AKAP6: variants seen among roughly 807,000 people sequenced by gnomAD.
AKAP6 encodes the protein A-kinase anchoring protein 6.
A neutral mutation model predicts 188.5 loss-of-function variants in AKAP6; 58 were observed. That is an observed-to-expected ratio of 0.31 (90% CI 0.25 to 0.38). The LOEUF (loss-of-function observed/expected upper bound fraction) is 0.38, where lower values mean the gene tolerates loss of function less well. AKAP6 is among the 10% of genes least tolerant of loss of function. The probability of loss-of-function intolerance (pLI) is 1.00; values close to 1 mark genes in which losing one functional copy is unlikely to be tolerated. For synonymous variants in AKAP6, 989 were observed against 998.6 expected, an observed-to-expected ratio of 0.99 and a Z score of 0.18; for missense variants, 2,710 against 2,740.0, an observed-to-expected ratio of 0.99 and a Z score of 0.24.
chr14:32,618,731 C>T (rs1401652418), intron 7 of AKAP6, among the ~76,000 whole-genome samples: 1 of 152,138 alleles, frequency 6.6e-6, no homozygotes, highest in Non-Finnish European at 1.5e-5. Flanking sequence ...ATTGCTGGAT[C>T]GAATGATAGA....
chr14:32,488,443 C>T (rs1416853676), intron 2 of AKAP6, among the ~76,000 whole-genome samples: 1 of 152,176 alleles, frequency 6.6e-6, no homozygotes, highest in East Asian at 1.9e-4. Flanking sequence ...GAATTTCAAG[C>T]CAGTGGATCT....
At chr14:32,370,495 T>A (rs1430103497) in intron 1 of AKAP6, among the ~76,000 whole-genome samples, 2 of 152,244 alleles carry the variant, frequency 1.3e-5, no homozygotes, top group Non-Finnish European at 2.9e-5. Flanking sequence ...AAACCAGAAC[T>A]GTTGTTCCTG....
At chr14:32,696,858 G>A (rs1890424946) in intron 9 of AKAP6, among the ~76,000 whole-genome samples, 1 of 151,100 alleles carries the variant, frequency 6.6e-6, no homozygotes, top group Admixed American at 6.6e-5. Flanking sequence ...GGAGGGAAGA[G>A]GGACTTTCCA....
intron 1 of AKAP6, among the ~76,000 whole-genome samples, chr14:32,338,086 TAGAG>T (rs1465105501): frequency 2.0e-5 from 3 of 152,194 alleles, no homozygotes; most frequent in Non-Finnish European, 4.4e-5. Flanking sequence ...GTTGTTTACT[TAGAG>T]AGTTTTTCCT....
intron 9 of AKAP6, among the ~76,000 whole-genome samples, chr14:32,708,114 T>G (rs1191308199): frequency 6.6e-6 from 1 of 152,074 alleles, no homozygotes; most frequent in African/African-American, 2.4e-5. Context: ...GAAGGTAACA[T>G]GTGCTGTGCA....
intron 4 of AKAP6, among the ~76,000 whole-genome samples, chr14:32,575,903 TC>T (rs1324424029): frequency 3.3e-5 from 5 of 152,266 alleles, no homozygotes; most frequent in African/African-American, 1.2e-4. Context: ...CTCTGCTTTG[TC>T]CCCCTCTAAT....
chr14:32,440,875 G>T (rs2138734771), intron 2 of AKAP6, among the ~76,000 whole-genome samples: 2 of 152,246 alleles, frequency 1.3e-5, no homozygotes, highest in Non-Finnish European at 2.9e-5. Flanking sequence ...TGGGTGCTAT[G>T]ATCTCAAAAT....
chr14:32,510,464 A>ATATATATG (rs1566546945), intron 2 of AKAP6, among the ~76,000 whole-genome samples: 25 of 70,030 alleles, frequency 3.6e-4, no homozygotes, highest in African/African-American at 1.1e-3. Flanking sequence ...ATATATGTGT[A>ATATATATG]TATATATATA....
At chr14:32,510,855 G>A (rs1167419349) in intron 2 of AKAP6, among the ~76,000 whole-genome samples, 2 of 152,088 alleles carry the variant, frequency 1.3e-5, no homozygotes, top group Non-Finnish European at 2.9e-5. Flanking sequence ...AGTCATGCTG[G>A]CCAATCTAAT....
intron 4 of AKAP6, among the ~76,000 whole-genome samples, chr14:32,553,913 G>A (rs1883587885): frequency 6.6e-6 from 1 of 152,112 alleles, no homozygotes; most frequent in South Asian, 2.1e-4. Context: ...AACTTCTCAA[G>A]GCCTAAAATT....
chr14:32,454,691 C>G (rs1566512127), intron 2 of AKAP6, among the ~76,000 whole-genome samples: 14 of 55,252 alleles, frequency 2.5e-4, no homozygotes, highest in Non-Finnish European at 3.6e-4. Flanking sequence ...CTCCTTCCCT[C>G]CCTCCCTCCC....
At position 32,611,716 on chromosome 14, in the gene AKAP6, G is replaced by A. The variant is rs115516666; in HGVS notation, c.2730+10924G>A. Among the ~76,000 whole-genome samples the A allele has an allele frequency of 3.8e-3, 579 of 152,226 alleles. 1 individual carries two copies. The highest frequency in any genetic ancestry group is 0.013 in the African/African-American group (538 of 41,524). ...CTGTTGCCCAGAATGCTGGCAGCTGGGGAATGGTATTATAGCAGGTCAAAG... is the reference window on the plus strand; with the variant it reads ...CTGTTGCCCAGAATGCTGGCAGCTGAGGAATGGTATTATAGCAGGTCAAAG... On this transcript the variant is annotated intron_variant, in intron 7 of 13. Transcript: ENST00000280979.
At chr14:32,685,271 A>T (rs1488594747) in intron 8 of AKAP6, among the ~76,000 whole-genome samples, 1 of 152,080 alleles carries the variant, frequency 6.6e-6, no homozygotes, top group Non-Finnish European at 1.5e-5. Context: ...CTCAAAAAAT[A>T]AATTACTTAA....
intron 1 of AKAP6, among the ~76,000 whole-genome samples, chr14:32,378,371 TG>T (rs1343959448): frequency 6.6e-6 from 1 of 152,212 alleles, no homozygotes; most frequent in African/African-American, 2.4e-5. Context: ...TCATTAAGCA[TG>T]GAATAATAAG....
At chr14:32,352,852 A>G (rs1312723739) in intron 1 of AKAP6, among the ~76,000 whole-genome samples, 3 of 152,196 alleles carry the variant, frequency 2.0e-5, no homozygotes, top group Non-Finnish European at 2.9e-5. Flanking sequence ...ATAGTGACAC[A>G]ATAAACGTGG....
intron 1 of AKAP6, among the ~76,000 whole-genome samples, chr14:32,410,830 T>A (rs149490361): frequency 3.3e-5 from 5 of 152,204 alleles, no homozygotes; most frequent in African/African-American, 9.6e-5. Context: ...GATGATGTTG[T>A]TAGAAAGATT....
chr14:32,711,260 A>G (rs933829536), intron 9 of AKAP6, among the ~76,000 whole-genome samples: 5 of 152,042 alleles, frequency 3.3e-5, no homozygotes, highest in African/African-American at 9.7e-5. Context: ...TAATTGGTTC[A>G]TGTCACCACC....
chr14:32,332,070 G>A (rs1382246003), intron 1 of AKAP6, among the ~76,000 whole-genome samples: 1 of 152,034 alleles, frequency 6.6e-6, no homozygotes, highest in Non-Finnish European at 1.5e-5. Flanking sequence ...TTATTATGAA[G>A]TAGAGAGTAA....
chr14:32,424,992 G>T (rs893165328), intron 1 of AKAP6, among the ~76,000 whole-genome samples: 4 of 152,120 alleles, frequency 2.6e-5, no homozygotes, highest in Non-Finnish European at 4.4e-5. Flanking sequence ...ATAATAGAAT[G>T]AATTATATTC....
Sources: gnomAD v4.1 joint callset for allele counts (sites outside exome capture counted in the v4.1 genomes callset) on GRCh38, gnomAD v4.1.1 for gene constraint, MANE v1.5 for transcripts, NCBI Gene and HGNC (gene_info 2026-07-23, HGNC 2026-07-21) for gene names.